CNTNAP5: variants seen among roughly 807,000 people sequenced by gnomAD.
CNTNAP5 encodes contactin associated protein family member 5.
A neutral mutation model predicts 150.2 loss-of-function variants in CNTNAP5; 72 were observed. That is an observed-to-expected ratio of 0.48 (90% confidence interval 0.40 to 0.58). The LOEUF (loss-of-function observed/expected upper bound fraction) is 0.58. Ranked by LOEUF, CNTNAP5 falls within the 20% of genes least tolerant of loss-of-function variation. CNTNAP5 has a pLI of 0.00. For synonymous variants in CNTNAP5, 672 were observed against 619.8 expected, an observed-to-expected ratio of 1.08 and a Z score of -1.25; for missense variants, 1,636 against 1,626.2, an observed-to-expected ratio of 1.01 and a Z score of -0.10.
chr2:124,409,100 A>G (rs1217715722), intron 3 of CNTNAP5, among the ~76,000 whole-genome samples: 26 of 144,640 alleles, frequency 1.8e-4, no homozygotes, highest in African/African-American at 4.3e-4. Context: ...CAGAAGCCTC[A>G]GGAGCCGATG....
At chr2:124,782,043 A>G (rs73955815) in intron 17 of CNTNAP5, among the ~76,000 whole-genome samples, 2,159 of 152,270 alleles carry the variant, frequency 0.014, 49 homozygotes, top group African/African-American at 0.05. Flanking sequence ...ATGTGTGCAT[A>G]TGTAGATGAG....
At chr2:124,189,803 A>G (rs2104692778) in intron 1 of CNTNAP5, among the ~76,000 whole-genome samples, 1 of 152,318 alleles carries the variant, frequency 6.6e-6, no homozygotes. Context: ...TTCTAAATAT[A>G]AAGTAACAAT....
intron 3 of CNTNAP5, among the ~76,000 whole-genome samples, chr2:124,313,059 C>A (rs756021207): frequency 2.6e-4 from 39 of 152,194 alleles, no homozygotes; most frequent in Admixed American, 5.2e-4. Context: ...GCTCTGGGCT[C>A]TGAATAGACT....
chr2:124,425,313 C>G (rs1692213987), intron 4 of CNTNAP5, among the ~76,000 whole-genome samples: 1 of 152,202 alleles, frequency 6.6e-6, no homozygotes, highest in African/African-American at 2.4e-5. Flanking sequence ...TAACTATCGT[C>G]TCTAATTTTG....
intron 21 of CNTNAP5, among the ~76,000 whole-genome samples, chr2:124,875,280 A>G (rs748497050): frequency 2.0e-5 from 3 of 152,096 alleles, no homozygotes; most frequent in Non-Finnish European, 4.4e-5. Context: ...ATTTATGCAT[A>G]TAAATAAAAG....
At chr2:124,701,054 A>G (rs1679510781) in intron 13 of CNTNAP5, among the ~76,000 whole-genome samples, 1 of 152,050 alleles carries the variant, frequency 6.6e-6, no homozygotes, top group South Asian at 2.1e-4. Context: ...TCCCATACAC[A>G]GTACGCTCTT....
intron 13 of CNTNAP5, among the ~76,000 whole-genome samples, chr2:124,698,421 T>C (rs148099965): frequency 7.0e-6 from 1 of 143,540 alleles, no homozygotes; most frequent in Non-Finnish European, 1.6e-5. Flanking sequence ...TGCTTATTTA[T>C]ATGTATATAT....
At chr2:124,653,492 TG>T (rs1365024885) in intron 13 of CNTNAP5, among the ~76,000 whole-genome samples, 2 of 151,908 alleles carry the variant, frequency 1.3e-5, no homozygotes, top group African/African-American at 4.8e-5. Context: ...ATGTCATATT[TG>T]TCCATAATGC....
intron 3 of CNTNAP5, among the ~76,000 whole-genome samples, chr2:124,368,997 A>G (rs956947498): frequency 8.5e-5 from 13 of 152,142 alleles, no homozygotes; most frequent in Non-Finnish European, 1.9e-4. Context: ...AAAACAAATA[A>G]TTTTTTAAAA....
intron 13 of CNTNAP5, among the ~76,000 whole-genome samples, chr2:124,730,498 ATTC>A (rs369009034): frequency 8.5e-5 from 13 of 152,162 alleles, no homozygotes; most frequent in Middle Eastern, 3.4e-3. Context: ...CATAAATTCA[ATTC>A]TTCTTCTCTA....
At chr2:124,514,916 A>G (rs1431376094) in intron 8 of CNTNAP5, among the ~76,000 whole-genome samples, 2 of 152,290 alleles carry the variant, frequency 1.3e-5, no homozygotes, top group East Asian at 1.9e-4. Flanking sequence ...GAGAATAGGG[A>G]AATAACTCTC....
intron 23 of CNTNAP5, among the ~76,000 whole-genome samples, chr2:124,912,515 A>G (rs183675127): frequency 1.3e-3 from 194 of 152,112 alleles, no homozygotes; most frequent in Non-Finnish European, 2.2e-3. Flanking sequence ...ACAGAGGTGC[A>G]CTCCTGAGAA....
intron 3 of CNTNAP5, among the ~76,000 whole-genome samples, chr2:124,365,111 G>C (rs1427626654): frequency 1.3e-5 from 2 of 152,036 alleles, no homozygotes; most frequent in Non-Finnish European, 2.9e-5. Context: ...AGGCATTTGA[G>C]ACCAACCTGG....
chr2:124,125,432 A>G (rs1683667771), intron 1 of CNTNAP5, among the ~76,000 whole-genome samples: 1 of 152,200 alleles, frequency 6.6e-6, no homozygotes, highest in Non-Finnish European at 1.5e-5. Context: ...AGAGACCTAC[A>G]AAGAGACTTA....
At position 124,772,809 on chromosome 2, in the gene CNTNAP5, G is replaced by A. The variant is rs1214494002; in HGVS notation, c.2544G>A (p.Glu848=). The change falls in exon 17 of 24, where the codon GAG becomes GAA. Residue 848 remains glutamate (E), a synonymous_variant. Transcript: ENST00000682447. ...FIRLEISSPS[E]ITFAIDVGNG... ...CCTTTCCGGTTTCAGCTCCTTCAGA[G>A]ATCACCTTTGCCATCGATGTTGGGA... 1 of 1,613,446 alleles carries A rather than the reference G, an allele frequency of 6.2e-7. No individual in the cohort carries two copies. Among genetic ancestry groups the A allele is most frequent in the Non-Finnish European group, 8.5e-7 (1 of 1,179,596 alleles).
At chr2:124,157,526 A>C (rs1181543794) in intron 1 of CNTNAP5, among the ~76,000 whole-genome samples, 1 of 151,878 alleles carries the variant, frequency 6.6e-6, no homozygotes, top group Non-Finnish European at 1.5e-5. Flanking sequence ...AAATTTCCTC[A>C]CTTACTTTCT....
At chr2:124,828,209 C>T (rs989120777) in intron 19 of CNTNAP5, among the ~76,000 whole-genome samples, 6 of 152,130 alleles carry the variant, frequency 3.9e-5, no homozygotes, top group African/African-American at 1.2e-4. Context: ...TGGCCAGACG[C>T]GTTGGCTCAC....
intron 3 of CNTNAP5, among the ~76,000 whole-genome samples, chr2:124,304,823 C>T (rs535451902): frequency 6.6e-6 from 1 of 152,216 alleles, no homozygotes; most frequent in South Asian, 2.1e-4. Context: ...TTCATTCATT[C>T]AACCTCCATT....
chr2:124,277,376 G>C (rs1408187007), intron 3 of CNTNAP5, among the ~76,000 whole-genome samples: 1 of 152,066 alleles, frequency 6.6e-6, no homozygotes, highest in Admixed American at 6.6e-5. Context: ...GCAGCCAAAG[G>C]AGAGAAACCA....
Sources: allele counts gnomAD v4.1 joint callset (sites outside exome capture counted in the v4.1 genomes callset), GRCh38; gene constraint gnomAD v4.1.1; transcripts MANE v1.5; gene names NCBI Gene and HGNC (gene_info 2026-07-23, HGNC 2026-07-21).